RAB38: variants seen among roughly 807,000 people sequenced by gnomAD.
RAB38 encodes ras-related protein Rab-38.
In RAB38, 15 loss-of-function variants were observed where a neutral mutation model predicts 18.4. The observed-to-expected ratio is 0.82, with a 90% confidence interval of 0.55 to 1.26. The LOEUF is 1.26. Among genes scored for constraint, RAB38 ranks in the 50% most tolerant of loss-of-function variants. The pLI is 0.00. For missense variants in RAB38, 294 were observed against 267.4 expected, an observed-to-expected ratio of 1.10 and a Z score of -0.69; for synonymous variants, 101 against 104.4, an observed-to-expected ratio of 0.97 and a Z score of 0.20.
the RAB38 span, among the ~76,000 whole-genome samples, chr11:88,077,033 AAAGC>A: frequency 8.2e-5 from 9 of 109,394 alleles, no homozygotes; most frequent in African/African-American, 2.1e-4. Context: ...GAAAAGAAAG[AAAGC>A]AAGCAAGAAA....
the RAB38 span, among the ~76,000 whole-genome samples, chr11:88,035,808 A>C: frequency 6.6e-6 from 1 of 152,162 alleles, no homozygotes; most frequent in Non-Finnish European, 1.5e-5. Flanking sequence ...AAGCAAATTG[A>C]CAAATTTCAG....
At chr11:87,856,864 C>CT in the RAB38 span, among the ~76,000 whole-genome samples, 282 of 151,644 alleles carry the variant, frequency 1.9e-3, 1 homozygote, top group African/African-American at 6.3e-3. Flanking sequence ...TTAAAATTTT[C>CT]TTTTTTTTAA....
At chr11:87,970,939 G>A in the RAB38 span, among the ~76,000 whole-genome samples, 4 of 151,942 alleles carry the variant, frequency 2.6e-5, no homozygotes, top group African/African-American at 7.2e-5. Context: ...GAGTCCCTGC[G>A]CAGCAGCTAA....
the RAB38 span, among the ~76,000 whole-genome samples, chr11:87,881,754 C>A: frequency 6.6e-6 from 1 of 151,674 alleles, no homozygotes; most frequent in African/African-American, 2.4e-5. Context: ...TCTGCTGTGG[C>A]TTTATAGTCA....
chr11:87,853,819 C>T, the RAB38 span, among the ~76,000 whole-genome samples: 1 of 152,138 alleles, frequency 6.6e-6, no homozygotes, highest in Non-Finnish European at 1.5e-5. Context: ...GTTTTGTAGG[C>T]CAGAAATCTG....
At chr11:87,938,026 A>T in the RAB38 span, among the ~76,000 whole-genome samples, 1 of 151,468 alleles carries the variant, frequency 6.6e-6, no homozygotes, top group Non-Finnish European at 1.5e-5. Context: ...TGAATTGAAA[A>T]CTGGATGTTT....
chr11:87,966,064 G>C, the RAB38 span, among the ~76,000 whole-genome samples: 1 of 152,088 alleles, frequency 6.6e-6, no homozygotes, highest in Admixed American at 6.6e-5. Context: ...AGGACCTCAA[G>C]AAAAAGTTTT....
the RAB38 span, among the ~76,000 whole-genome samples, chr11:88,106,875 C>A: frequency 3.9e-5 from 6 of 152,112 alleles, no homozygotes; most frequent in East Asian, 1.2e-3. Context: ...AAGACAGAAA[C>A]AGCTCAGATG....
the RAB38 span, among the ~76,000 whole-genome samples, chr11:88,018,689 A>G: frequency 6.6e-6 from 1 of 152,188 alleles, no homozygotes; most frequent in Non-Finnish European, 1.5e-5. Flanking sequence ...AGTTTCTTAT[A>G]TAAAATTGTG....
chr11:88,028,360 C>T, the RAB38 span, among the ~76,000 whole-genome samples: 6,183 of 152,172 alleles, frequency 0.041, 268 homozygotes, highest in South Asian at 0.1. Context: ...TCACCAGAAA[C>T]GGAACAAAGC....
the RAB38 span, among the ~76,000 whole-genome samples, chr11:87,944,085 C>T: frequency 1.3e-5 from 2 of 152,026 alleles, no homozygotes; most frequent in South Asian, 2.1e-4. Context: ...TGTCCCAGTG[C>T]ATATGCAAGT....
At chr11:88,077,970 TTCA>T in the RAB38 span, among the ~76,000 whole-genome samples, 3 of 151,764 alleles carry the variant, frequency 2.0e-5, no homozygotes, top group African/African-American at 7.3e-5. Flanking sequence ...CAATAGCAAA[TTCA>T]TCATCATCAT....
chr11:87,966,369 T>C, the RAB38 span, among the ~76,000 whole-genome samples: 12 of 152,240 alleles, frequency 7.9e-5, no homozygotes, highest in South Asian at 2.5e-3. Flanking sequence ...CCCATACTCA[T>C]TTCAGCACTA....
chr11:88,065,150 G>A, the RAB38 span, among the ~76,000 whole-genome samples: 2 of 152,194 alleles, frequency 1.3e-5, no homozygotes, highest in Non-Finnish European at 2.9e-5. Context: ...AAAGCTTGGT[G>A]TTCATCTTCT....
the RAB38 span, among the ~76,000 whole-genome samples, chr11:87,843,874 C>T: frequency 3.3e-5 from 5 of 152,272 alleles, no homozygotes; most frequent in Non-Finnish European, 5.9e-5. Flanking sequence ...TCTTTTCTCT[C>T]GTGAAATGTT....
chr11:88,020,527 A>G, the RAB38 span, among the ~76,000 whole-genome samples: 1 of 152,194 alleles, frequency 6.6e-6, no homozygotes, highest in South Asian at 2.1e-4. Flanking sequence ...CCCCACTTTC[A>G]TCACCAGACA....
At chr11:88,110,642 C>A (rs908862408), downstream of RAB38, among the ~76,000 whole-genome samples, 10 of 151,786 alleles carry the variant, frequency 6.6e-5, no homozygotes, top group African/African-American at 1.9e-4. Context: ...TTTGTTGAAA[C>A]CCCACCTCTA....
chr11:88,042,573 G>T, the RAB38 span, among the ~76,000 whole-genome samples: 3 of 152,208 alleles, frequency 2.0e-5, no homozygotes, highest in African/African-American at 4.8e-5. Context: ...AAGCCAGAGA[G>T]TGTGCAAGGG....
the RAB38 span, among the ~76,000 whole-genome samples, chr11:88,034,489 TTCTGAATTC>T: frequency 1.3e-5 from 2 of 152,252 alleles, no homozygotes; most frequent in African/African-American, 4.8e-5. Context: ...ATTCCAGTTT[TTCTGAATTC>T]TTGTCAGTAT....
Sources: allele counts gnomAD v4.1 joint callset (sites outside exome capture counted in the v4.1 genomes callset), GRCh38; gene constraint gnomAD v4.1.1; transcripts MANE v1.5; gene names NCBI Gene and HGNC (gene_info 2026-07-23, HGNC 2026-07-21).